Variants in RGPD2 observed in about 807,000 individuals in gnomAD.
RGPD2 encodes the protein RANBP2-like and GRIP domain-containing protein 2.
Under a neutral mutation model 36.0 loss-of-function variants are expected in RGPD2, and 2 were observed. The ratio of observed to expected loss-of-function variants is 0.06; its 90% CI spans 0.02 to 0.17. The LOEUF (loss-of-function observed/expected upper bound fraction) is 0.17, where lower values mean the gene tolerates loss of function less well. Ranked by LOEUF, RGPD2 falls within the 10% of genes least tolerant of loss-of-function variation. The probability of loss-of-function intolerance (pLI) is 1.00; values close to 1 mark genes in which losing one functional copy is unlikely to be tolerated. For missense variants in RGPD2, 40 were observed against 464.3 expected (o/e 0.09, Z 8.40); for synonymous variants, 19 against 163.8 (o/e 0.12, Z 6.75).
the RGPD2 span, among the ~76,000 whole-genome samples, chr2:87,943,897 A>C: frequency 6.6e-6 from 1 of 152,050 alleles, no homozygotes; most frequent in East Asian, 1.9e-4. Flanking sequence ...ATAATCTTGA[A>C]GCCTCCTCCA....
chr2:87,791,691 T>TTA (rs1283403285), intron 17 of RGPD2, among the ~76,000 whole-genome samples: 1 of 22,720 alleles, frequency 4.4e-5, no homozygotes, highest in Non-Finnish European at 6.7e-5. Flanking sequence ...AAAAATACAA[T>TTA]TAGCTGGGCC....
chr2:87,825,723 G>C lies in RGPD2; in HGVS notation c.7C>G (p.Arg3Gly). 6.2e-7 allele frequency: 1 copy of C among 1,600,058 alleles called. No individual in the cohort carries two copies. Among genetic ancestry groups the C allele is most frequent in the South Asian group, 1.1e-5 (1 of 88,962 alleles). Residue 3 changes from arginine to glycine, a missense_variant, in exon 1 of 23, where the codon CGC becomes GGC. By Grantham distance (125) the Arg-to-Gly change is moderately radical. Coordinates refer to ENST00000398146, the MANE Select transcript of RGPD2 (RefSeq NM_001078170.3). MR[R>G]SKAYGERYLA... ...TACCGCTCCCCGTAGGCTTTGCTGC[G>C]CCTCATCGCACCGCCAACCTGGCTC...
the RGPD2 span, among the ~76,000 whole-genome samples, chr2:87,907,470 T>G: frequency 6.0e-3 from 1 of 168 alleles, no homozygotes; most frequent in Non-Finnish European, 0.01. Flanking sequence ...AAAAGAATTG[T>G]GGGTATGAAA....
chr2:87,873,963 T>G, the RGPD2 span, among the ~76,000 whole-genome samples: 2 of 152,224 alleles, frequency 1.3e-5, no homozygotes, highest in East Asian at 3.9e-4. Flanking sequence ...GGTTTTGATT[T>G]GCATATCTCT....
At chr2:87,842,476 T>A in the RGPD2 span, among the ~76,000 whole-genome samples, 1 of 149,008 alleles carries the variant, frequency 6.7e-6, no homozygotes, top group Non-Finnish European at 1.5e-5. Flanking sequence ...TCAAAGGCAA[T>A]AAAATACCTA....
At chr2:87,962,515 G>A in the RGPD2 span, among the ~76,000 whole-genome samples, 1 of 152,098 alleles carries the variant, frequency 6.6e-6, no homozygotes, top group Non-Finnish European at 1.5e-5. Flanking sequence ...CAGTGTGTGT[G>A]ACCCACATTA....
the RGPD2 span, among the ~76,000 whole-genome samples, chr2:87,960,655 C>T: frequency 3.5e-4 from 1 of 2,860 alleles, no homozygotes; most frequent in African/African-American, 1.4e-3. Flanking sequence ...CTTAACTTTG[C>T]CTTGTAATTT....
At chr2:87,967,390 C>T in the RGPD2 span, among the ~76,000 whole-genome samples, 1 of 149,800 alleles carries the variant, frequency 6.7e-6, no homozygotes, top group Non-Finnish European at 1.5e-5. Flanking sequence ...GCCTGGGTGA[C>T]AGAACGAGAC....
At chr2:87,922,015 C>T in the RGPD2 span, among the ~76,000 whole-genome samples, 105 of 150,840 alleles carry the variant, frequency 7.0e-4, no homozygotes, top group Middle Eastern at 3.4e-3. Context: ...AAAAGTAGGC[C>T]CGGCACGGTG....
At chr2:87,834,760 T>G in the RGPD2 span, among the ~76,000 whole-genome samples, 1 of 152,082 alleles carries the variant, frequency 6.6e-6, no homozygotes, top group Admixed American at 6.6e-5. Context: ...CCCATATTCA[T>G]AAAATGTTAC....
the RGPD2 span, among the ~76,000 whole-genome samples, chr2:87,874,119 C>G: frequency 6.9e-6 from 1 of 144,536 alleles, no homozygotes; most frequent in Non-Finnish European, 1.5e-5. Flanking sequence ...GATACTAGAC[C>G]TTTGTTAGAT....
chr2:87,831,541 A>G, the RGPD2 span, among the ~76,000 whole-genome samples: 1 of 151,518 alleles, frequency 6.6e-6, no homozygotes, highest in African/African-American at 2.4e-5. Flanking sequence ...GAAAAAACAT[A>G]TCTTAAAAAA....
At chr2:87,978,917 T>G in the RGPD2 span, among the ~76,000 whole-genome samples, 6 of 124,082 alleles carry the variant, frequency 4.8e-5, no homozygotes, top group Non-Finnish European at 9.1e-5. Flanking sequence ...ACCCCGTCTC[T>G]TAAAAAAAAA....
the RGPD2 span, among the ~76,000 whole-genome samples, chr2:87,962,074 T>C: frequency 1.4e-5 from 2 of 147,006 alleles, no homozygotes; most frequent in Non-Finnish European, 3.0e-5. Flanking sequence ...CAAATCTATA[T>C]ATATTTCACT....
the RGPD2 span, chr2:87,989,238 G>A: frequency 4.0e-6 from 1 of 249,426 alleles, no homozygotes; most frequent in Non-Finnish European, 7.3e-6. Flanking sequence ...CTTAAAAATA[G>A]CTGGTACAAG....
At chr2:87,902,967 G>GA in the RGPD2 span, among the ~76,000 whole-genome samples, 1 of 131,386 alleles carries the variant, frequency 7.6e-6, no homozygotes, top group Admixed American at 7.8e-5. Flanking sequence ...ACACGAGAAT[G>GA]AAAAAAATAA....
the RGPD2 span, among the ~76,000 whole-genome samples, chr2:87,857,158 A>G: frequency 6.6e-6 from 1 of 152,390 alleles, no homozygotes; most frequent in East Asian, 1.9e-4. Context: ...ACTCCCTACA[A>G]AAATGTGAAT....
At chr2:87,866,212 TG>T in the RGPD2 span, among the ~76,000 whole-genome samples, 4 of 150,122 alleles carry the variant, frequency 2.7e-5, no homozygotes, top group Admixed American at 2.7e-4. Context: ...AATAAAAAAG[TG>T]GAAAATTTGT....
At chr2:87,951,529 GT>G in the RGPD2 span, among the ~76,000 whole-genome samples, 1 of 152,098 alleles carries the variant, frequency 6.6e-6, no homozygotes, top group Admixed American at 6.5e-5. Context: ...AATGTAGTTA[GT>G]TCCTTGAGGA....
Sources: allele counts gnomAD v4.1 joint callset (sites outside exome capture counted in the v4.1 genomes callset), GRCh38; gene constraint gnomAD v4.1.1; transcripts MANE v1.5; gene names NCBI Gene and HGNC (gene_info 2026-07-23, HGNC 2026-07-21).